ZNF561: variants seen among roughly 807,000 people sequenced by gnomAD.
ZNF561 encodes the protein zinc finger protein 561.
In ZNF561, 16 loss-of-function variants were observed where a neutral mutation model predicts 16.7. The ratio of observed to expected loss-of-function variants is 0.96; its 90% CI spans 0.65 to 1.45. The LOEUF (loss-of-function observed/expected upper bound fraction) is 1.45, where lower values mean the gene tolerates loss of function less well. Among genes scored for constraint, ZNF561 ranks in the 40% most tolerant of loss-of-function variants. The probability of loss-of-function intolerance (pLI) is 0.00; values close to 1 mark genes in which losing one functional copy is unlikely to be tolerated. For missense variants in ZNF561, 580 were observed against 578.0 expected, an observed-to-expected ratio of 1.00 and a Z score of -0.04; for synonymous variants, 190 against 192.1, an observed-to-expected ratio of 0.99 and a Z score of 0.09.
At position 9,619,791 on chromosome 19, in the gene ZNF561, T is replaced by C. The variant is rs867975339; in HGVS notation, c.-126-209A>G. Reference sequence around the variant, plus strand: ...TAGCTCTAGTAGCTTTATATATACATGCTCAGTTAATTATCATAGCCATCC... The same window carrying C: ...TAGCTCTAGTAGCTTTATATATACACGCTCAGTTAATTATCATAGCCATCC... On this transcript the variant is annotated intron_variant, in intron 1 of 5. Transcript: ENST00000302851. Among the ~76,000 whole-genome samples, 28 of 152,350 alleles carry C rather than the reference T, an allele frequency of 1.8e-4. 1 individual carries two copies. The Middle Eastern group carries it at 0.014, about 74-fold the overall frequency.
chr19:9,610,652 AG>A lies in ZNF561; in HGVS notation c.1008del (p.Tyr337MetfsTer76), dbSNP rs867965450. 1 of 1,614,046 alleles carries A rather than the reference AG, an allele frequency of 6.2e-7. No homozygotes were observed. The highest frequency in any genetic ancestry group is 1.3e-5 in the African/African-American group (1 of 74,928). The part of the protein sequence containing the change: ...EHVRTHTGIK[P>X]YECKECGQAF... ...GCTTGGCCACATTCCTTACATTCAT[AG>A]GGTTTTATTCCAGTGTGAGTTCTTA... On this transcript the variant is annotated frameshift_variant, in exon 6 of 6. Transcript: ENST00000302851. LOFTEE classifies it low-confidence loss of function (END_TRUNC).
At position 9,610,900 on chromosome 19, in the gene ZNF561, T is replaced by C; in HGVS notation, c.761A>G (p.Lys254Arg). 1.2e-6 allele frequency: 2 copies of C among 1,614,210 alleles called. No individual in the cohort carries two copies. Among genetic ancestry groups the C allele is most frequent in the Middle Eastern group, 3.3e-4 (2 of 6,062 alleles). Residue 254 changes from lysine to arginine, a missense_variant, in exon 6 of 6, where the codon AAG becomes AGG. Lys to Arg is a conservative substitution (Grantham distance 26). Coordinates refer to ENST00000302851, the MANE Select transcript of ZNF561 (RefSeq NM_152289.3). ...GAAGGATTTCCCACATTTCTTAGTC[T>C]TTTTGGATTTCTTTCCTGTATGAAC... ...VAVHTGKKSK[K>R]TKKCGKSFTN...
chr19:9,614,403 G>A (rs916471613), intron 4 of ZNF561: 3 of 276,716 alleles, frequency 1.1e-5, no homozygotes, highest in Non-Finnish European at 2.1e-5. Context: ...GAGGTCAGGA[G>A]TTCGAGACCA....
rs769453465 is a variant in ZNF561 at position 9,610,965 on chromosome 19, T to G, written c.696A>C (p.Arg232Ser). The G allele has an allele frequency of 3.7e-6, 6 of 1,614,066 alleles. No homozygotes were observed. Among genetic ancestry groups the G allele is most frequent in the Non-Finnish European group, 5.1e-6 (6 of 1,180,034 alleles). The change falls in exon 6 of 6, where the codon AGA (arginine) becomes AGC (serine). Residue 232 changes from arginine to serine, a missense_variant. Physicochemically the swap from Arg to Ser is moderately radical, Grantham distance 110. Coordinates refer to ENST00000302851, the MANE Select transcript of ZNF561 (RefSeq NM_152289.3). ...TTAGGTGTGAAGAAGCTGTGACAGC[T>G]CTCCCATATTCCTGAAATTCACAGA... ...EKLCEFQEYGRAVTASSHLKQ... is the reference protein window; with the variant it reads ...EKLCEFQEYGSAVTASSHLKQ...
chr19:9,617,308 C>A, intron 3 of ZNF561, 137 bp from the exon 4 acceptor site: 1 of 1,337,272 alleles, frequency 7.5e-7, no homozygotes, highest in East Asian at 2.8e-5. Flanking sequence ...GGTTTAATGT[C>A]TCAGGAGCTC....
At position 9,611,155 on chromosome 19, in the gene ZNF561, G is replaced by C; in HGVS notation, c.506C>G (p.Ser169Cys). Residue 169 changes from serine to cysteine, a missense_variant, in exon 6 of 6, where the codon TCC becomes TGC. By Grantham distance (112) the Ser-to-Cys change is moderately radical. Coordinates refer to ENST00000302851, the MANE Select transcript of ZNF561 (RefSeq NM_152289.3). ...HKEASTGQEL[S>C]KFNPCGKVFT... The stretch of plus-strand genomic sequence containing the variant: ...GACTTTTCCACATGGATTAAATTTG[G>C]AAAGTTCCTGTCCAGTAGAGGCTTC... 1 of 1,613,980 alleles carries C rather than the reference G, an allele frequency of 6.2e-7. No homozygotes were observed. Among genetic ancestry groups the C allele is most frequent in the Non-Finnish European group, 8.5e-7 (1 of 1,179,892 alleles).
At position 9,610,679 on chromosome 19, in the gene ZNF561, C is replaced by T. The variant is rs2074433896; in HGVS notation, c.982G>A (p.Val328Ile). Residue 328 changes from valine to isoleucine, a missense_variant, in exon 6 of 6, where the codon GTA (valine) becomes ATA (isoleucine). Val to Ile is a conservative substitution (Grantham distance 29). Coordinates refer to ENST00000302851, the MANE Select transcript of ZNF561 (RefSeq NM_152289.3). ...FTRSTQLTEH[V>I]RTHTGIKPYE... ...GGTTTTATTCCAGTGTGAGTTCTTA[C>T]ATGTTCAGTAAGTTGAGTTGATCTA... is the stretch of plus-strand genomic sequence containing the variant. The T allele has an allele frequency of 6.2e-7, 1 of 1,614,036 alleles. No individual in the cohort carries two copies. The highest frequency in any genetic ancestry group is 8.5e-7 in the Non-Finnish European group (1 of 1,180,004).
In ZNF561 at chr19:9,610,113, G is replaced by T; in HGVS notation, c.*87C>A. Reference sequence around the variant, plus strand: ...AGGATGGTATCTAAGGCCAATCCATGAGTCATTACAACCTCCAAAAGGCAT... The same window carrying T: ...AGGATGGTATCTAAGGCCAATCCATTAGTCATTACAACCTCCAAAAGGCAT... On this transcript the variant is annotated 3_prime_UTR_variant, in exon 6 of 6. Coordinates refer to ENST00000302851, the MANE Select transcript of ZNF561 (RefSeq NM_152289.3). 1.7e-6 allele frequency: 2 copies of T among 1,204,948 alleles called. No individual in the cohort carries two copies. Among genetic ancestry groups the T allele is most frequent in the South Asian group, 3.1e-5 (2 of 65,356 alleles). 74.6% of individuals were successfully genotyped at this position (1,204,948 alleles called of 1,614,324 possible). A position where few individuals can be genotyped will look rare whatever the true frequency, so the allele number is the denominator to read the frequency against.
Position 9,610,492 on chromosome 19 carries a change from T to C in ZNF561, c.1169A>G (p.Glu390Gly), listed in dbSNP as rs1568228844. 1 of 1,613,676 alleles carries C rather than the reference T, an allele frequency of 6.2e-7. No homozygotes were observed. The highest frequency in any genetic ancestry group is 8.5e-7 in the Non-Finnish European group (1 of 1,179,598). ...ACATTCAACACATTCATAAGGCTTC[T>C]CTCCTGTGTGAATTCTTGTATGCTG... The part of the protein sequence containing the change: ...LIQHTRIHTG[E>G]KPYECVECGK... The change falls in exon 6 of 6, where the codon GAG becomes GGG. Residue 390 changes from glutamate (E) to glycine (G), a missense_variant. By Grantham distance (98) the Glu-to-Gly change is moderately conservative. Coordinates refer to ENST00000302851, the MANE Select transcript of ZNF561 (RefSeq NM_152289.3).
chr19:9,610,923 A>T lies in ZNF561; in HGVS notation c.738T>A (p.Val246=). Residue 246 remains valine, a synonymous_variant, in exon 6 of 6, where the codon GTT becomes GTA. Coordinates refer to ENST00000302851, the MANE Select transcript of ZNF561 (RefSeq NM_152289.3). ...ASSHLKQCVA[V]HTGKKSKKTK... ...TCTTTTTGGATTTCTTTCCTGTATG[A>T]ACTGCTACACACTGCTTTAGGTGTG... The T allele has an allele frequency of 6.2e-7, 1 of 1,614,188 alleles. No homozygotes were observed. Among genetic ancestry groups the T allele is most frequent in the East Asian group, 2.2e-5 (1 of 44,874 alleles).
intron 5 of ZNF561, among the ~76,000 whole-genome samples, chr19:9,612,692 CCT>C (rs2074482778): frequency 6.6e-6 from 1 of 151,976 alleles, no homozygotes; most frequent in African/African-American, 2.4e-5. Flanking sequence ...GTTTTTATTC[CCT>C]GACTTCTTGA....
rs1402004731 is a variant in ZNF561, at chr19:9,610,650, A to G, written c.1011T>C (p.Tyr337=). The G allele has an allele frequency of 2.5e-6, 4 of 1,614,100 alleles. No individual in the cohort carries two copies. The highest frequency in any genetic ancestry group is 1.6e-4 in the Middle Eastern group (1 of 6,062). ...AGGCTTGGCCACATTCCTTACATTCATAGGGTTTTATTCCAGTGTGAGTTC... is the reference window on the plus strand; with the variant it reads ...AGGCTTGGCCACATTCCTTACATTCGTAGGGTTTTATTCCAGTGTGAGTTC... ...HVRTHTGIKP[Y]ECKECGQAFA... The change falls in exon 6 of 6, where the codon TAT becomes TAC. Residue 337 remains tyrosine, a synonymous_variant. Transcript: ENST00000302851.
In ZNF561 at chr19:9,618,264, T is replaced by C. The variant is rs947033483; in HGVS notation, c.26-85A>G. On this transcript the variant is annotated intron_variant, in intron 2 of 5. Transcript: ENST00000302851. ...TGCCTAGAAGTCATTCCATCCTAGC[T>C]TGAAATTCCGATATGCTCCTACACA... The C allele has an allele frequency of 2.5e-5, 33 of 1,309,206 alleles. No individual in the cohort carries two copies. In the Admixed American group the frequency reaches 6.6e-4, roughly 26 times the overall value. The allele number at this position is 1,309,206 out of a possible 1,614,324, so 81.1% of individuals were successfully genotyped here. A position where few individuals can be genotyped will look rare whatever the true frequency, so the allele number is the denominator to read the frequency against.
chr19:9,612,856 C>T (rs1599224164), intron 5 of ZNF561, among the ~76,000 whole-genome samples: 2 of 152,186 alleles, frequency 1.3e-5, no homozygotes, highest in African/African-American at 4.8e-5. Flanking sequence ...GGTACCATGG[C>T]ATAATCACAG....
intron 3 of ZNF561, 168 bp from the exon 4 acceptor site, chr19:9,617,339 T>A (rs1301319666): frequency 2.3e-6 from 3 of 1,286,634 alleles, no homozygotes; most frequent in East Asian, 5.9e-5. Context: ...ACACTCAAGG[T>A]TGACCTCCTA....
At chr19:9,613,890 C>A (rs1430564573) in intron 5 of ZNF561, 131 bp downstream of exon 5, 2 of 1,068,366 alleles carry the variant, frequency 1.9e-6, no homozygotes, top group East Asian at 2.5e-5. Flanking sequence ...CAAATGAGAC[C>A]CCCACTTCAG....
intron 1 of ZNF561, among the ~76,000 whole-genome samples, chr19:9,620,375 C>T (rs976331198): frequency 6.6e-6 from 1 of 152,178 alleles, no homozygotes; most frequent in Non-Finnish European, 1.5e-5. Context: ...CAGGTGCACA[C>T]CACTGGGTCC....
intron 4 of ZNF561, among the ~76,000 whole-genome samples, chr19:9,615,243 T>A (rs761349154): frequency 1.3e-5 from 2 of 152,232 alleles, no homozygotes; most frequent in Non-Finnish European, 2.9e-5. Context: ...CTCTGACCCA[T>A]TAAACCCAAA....
At position 9,610,596 on chromosome 19, in the gene ZNF561, G is replaced by A; in HGVS notation, c.1065C>T (p.His355=). The change falls in exon 6 of 6, where the codon CAC becomes CAT. Residue 355 remains histidine (H), a synonymous_variant. Transcript: ENST00000302851. ...AFAQYSGLSI[H]IRSHSGKKPY... ...GTTTCTTTCCACTGTGACTTCGTAT[G>A]TGTATAGAAAGGCCCGAGTACTGAG... 6.2e-7 allele frequency: 1 copy of A among 1,613,470 alleles called. No homozygotes were observed.
Sources: allele counts gnomAD v4.1 joint callset (sites outside exome capture counted in the v4.1 genomes callset), GRCh38; gene constraint gnomAD v4.1.1; transcripts MANE v1.5; gene names NCBI Gene and HGNC (gene_info 2026-07-23, HGNC 2026-07-21).